The following ZC3H11A variants were observed in gnomAD, a reference collection of about 807,000 sequenced individuals.
The protein encoded by ZC3H11A is zinc finger CCCH-type containing 11A, also known as zinc finger CCCH domain-containing protein 11A.
A neutral mutation model predicts 90.8 loss-of-function variants in ZC3H11A; 22 were observed. The ratio of observed to expected loss-of-function variants is 0.24; its 90% confidence interval spans 0.17 to 0.35. The LOEUF (loss-of-function observed/expected upper bound fraction) is 0.35. ZC3H11A is among the 10% of genes least tolerant of loss of function. The pLI, the probability that ZC3H11A is intolerant of heterozygous loss-of-function variation, is 1.00. For missense variants in ZC3H11A, 701 were observed against 964.9 expected, an observed-to-expected ratio of 0.73 and a Z score of 3.62; for synonymous variants, 294 against 339.8, an observed-to-expected ratio of 0.87 and a Z score of 1.48.
intron 8 of ZC3H11A, among the ~76,000 whole-genome samples, chr1:203,830,649 AAAAC>A (rs1455177319): frequency 6.6e-6 from 1 of 152,188 alleles, no homozygotes; most frequent in Admixed American, 6.5e-5. Flanking sequence ...CGTCTCTACT[AAAAC>A]AAAAAATTAG....
At chr1:203,807,939 A>G (rs1672939792) in intron 2 of ZC3H11A, among the ~76,000 whole-genome samples, 1 of 151,826 alleles carries the variant, frequency 6.6e-6, no homozygotes, top group Admixed American at 6.6e-5. Flanking sequence ...ACTAGGTCTC[A>G]TTATGTTGCC....
intron 2 of ZC3H11A, among the ~76,000 whole-genome samples, chr1:203,813,082 A>T (rs1558104165): frequency 6.6e-6 from 1 of 152,090 alleles, no homozygotes. Flanking sequence ...CTTATCAGTT[A>T]TGTTTTGCAA....
chr1:203,845,598 C>T (rs145158353), intron 12 of ZC3H11A, among the ~76,000 whole-genome samples: 1,645 of 152,348 alleles, frequency 0.011, 37 homozygotes, highest in African/African-American at 0.038. Flanking sequence ...GGCGTGGTGG[C>T]TCACGCCTGT....
intron 2 of ZC3H11A, among the ~76,000 whole-genome samples, chr1:203,815,633 T>C (rs754428793): frequency 3.3e-5 from 5 of 152,182 alleles, no homozygotes; most frequent in Non-Finnish European, 5.9e-5. Flanking sequence ...ATGTAAACTT[T>C]AAACATTTGG....
Position 203,847,526 on chromosome 1 carries a change from A to C in ZC3H11A, c.1385A>C (p.Lys462Thr). 6.2e-7 allele frequency: 1 copy of C among 1,613,964 alleles called. No individual in the cohort carries two copies. The highest frequency in any genetic ancestry group is 8.5e-7 in the Non-Finnish European group (1 of 1,179,872). ...GGACAATCAGAGGAGCCTGCAGGTA[A>C]AACAAAGTCTATGCAGGAGGTGCAC... ...SRGQSEEPAG[K>T]TKSMQEVHIK... The change falls in exon 13 of 18, where the codon AAA becomes ACA. Residue 462 changes from lysine (K) to threonine (T), a missense_variant. This residue lies in a region of ZC3H11A where 530 missense variants were observed against 696.2 expected (regional missense o/e 0.76). Coordinates refer to ENST00000367210, the MANE Select transcript of ZC3H11A (RefSeq NM_001376342.1).
At chr1:203,841,602 A>G (rs1008761413) in intron 12 of ZC3H11A, among the ~76,000 whole-genome samples, 11 of 152,064 alleles carry the variant, frequency 7.2e-5, no homozygotes, top group Admixed American at 1.3e-4. Flanking sequence ...TTTTCCCCAC[A>G]TTTCCCCGTT....
At chr1:203,833,618 G>GTTTTTTTTTT (rs553171669) in intron 9 of ZC3H11A, among the ~76,000 whole-genome samples, 173 bp from the exon 10 acceptor site, 83 of 124,804 alleles carry the variant, frequency 6.7e-4, no homozygotes, top group African/African-American at 8.5e-4. Context: ...ATAGGTTTGG[G>GTTTTTTTTTT]TTTTTTTTTT....
At chr1:203,809,079 CT>C (rs1394946924) in intron 2 of ZC3H11A, among the ~76,000 whole-genome samples, 1 of 152,026 alleles carries the variant, frequency 6.6e-6, no homozygotes, top group Non-Finnish European at 1.5e-5. Context: ...ATCCACCTGT[CT>C]CGGCCTCCCA....
chr1:203,828,175 A>T, intron 4 of ZC3H11A, 124 bp from the exon 5 acceptor site: 2 of 1,075,238 alleles, frequency 1.9e-6, no homozygotes, highest in Non-Finnish European at 2.7e-6. Flanking sequence ...CCTTCTAAAA[A>T]TCATCTCATC....
intron 2 of ZC3H11A, among the ~76,000 whole-genome samples, chr1:203,810,960 A>G (rs1379903462): frequency 1.3e-5 from 2 of 150,452 alleles, no homozygotes; most frequent in Non-Finnish European, 3.0e-5. Flanking sequence ...GTGAAACTCC[A>G]TCTCTACTAA....
intron 8 of ZC3H11A, among the ~76,000 whole-genome samples, chr1:203,830,519 TAAGAG>T (rs1419333779): frequency 5.3e-5 from 8 of 152,108 alleles, no homozygotes; most frequent in Admixed American, 2.0e-4. Flanking sequence ...GAAATTATAT[TAAGAG>T]AGGAAAGGCT....
chr1:203,821,850 T>C (rs553458072), intron 4 of ZC3H11A, among the ~76,000 whole-genome samples: 1 of 151,916 alleles, frequency 6.6e-6, no homozygotes, highest in South Asian at 2.1e-4. Flanking sequence ...CTCCGCCTCA[T>C]TGGTTCACAC....
rs1670663470 is a variant in ZC3H11A at position 203,801,973 on chromosome 1, T to A, written c.-1189T>A. 1 of 152,652 alleles carries A rather than the reference T, an allele frequency of 6.6e-6. No homozygotes were observed. Among genetic ancestry groups the A allele is most frequent in the Non-Finnish European group, 1.5e-5 (1 of 68,016 alleles). The allele number at this position is 152,652 out of a possible 1,614,324, so 9.5% of individuals were successfully genotyped here. Reference sequence around the variant, plus strand: ...GTAAAGAATTTGGACCTAGGCTGCGTAAGCAAGCCTTTCCAGGGCCACTAT... The same window carrying A: ...GTAAAGAATTTGGACCTAGGCTGCGAAAGCAAGCCTTTCCAGGGCCACTAT... On this transcript the variant is annotated 5_prime_UTR_variant, in exon 2 of 18. Coordinates refer to ENST00000367210, the MANE Select transcript of ZC3H11A (RefSeq NM_001376342.1).
chr1:203,850,948 A>G, intron 16 of ZC3H11A, 109 bp from the exon 17 acceptor site: 1 of 1,323,316 alleles, frequency 7.6e-7, no homozygotes. Flanking sequence ...TTAGATTCAC[A>G]GGCTTAAAGA....
chr1:203,807,557 C>T (rs1672802358), intron 2 of ZC3H11A, among the ~76,000 whole-genome samples: 1 of 149,562 alleles, frequency 6.7e-6, no homozygotes, highest in African/African-American at 2.5e-5. Context: ...GATAGAGTCT[C>T]GCTCTGCCTC....
At chr1:203,823,256 A>G (rs950866559) in intron 4 of ZC3H11A, among the ~76,000 whole-genome samples, 1 of 152,206 alleles carries the variant, frequency 6.6e-6, no homozygotes, top group Non-Finnish European at 1.5e-5. Context: ...AGAAAAAGAC[A>G]CTGGAGGAAT....
chr1:203,850,482 C>T (rs1312701927), intron 15 of ZC3H11A, 33 bp from the exon 16 acceptor site: 4 of 1,613,018 alleles, frequency 2.5e-6, no homozygotes, highest in Middle Eastern at 1.7e-4. Flanking sequence ...AGTCTATTCT[C>T]ACTGCTTATC....
intron 2 of ZC3H11A, among the ~76,000 whole-genome samples, chr1:203,809,301 G>T (rs544588846): frequency 6.9e-6 from 1 of 144,932 alleles, no homozygotes; most frequent in African/African-American, 2.6e-5. Context: ...TCAGCCTCCC[G>T]AGTAACTGGG....
intron 2 of ZC3H11A, among the ~76,000 whole-genome samples, chr1:203,808,453 T>C (rs781342254): frequency 1.3e-5 from 2 of 152,224 alleles, no homozygotes; most frequent in South Asian, 4.1e-4. Flanking sequence ...TGCCTGGCAT[T>C]TGATGATCCC....
Sources: allele counts gnomAD v4.1 joint callset (sites outside exome capture counted in the v4.1 genomes callset), GRCh38; gene constraint gnomAD v4.1.1; regional missense constraint gnomAD v4.1.1; transcripts MANE v1.5; gene names NCBI Gene and HGNC (gene_info 2026-07-23, HGNC 2026-07-21).